MXRA8: variants seen among roughly 807,000 people sequenced by gnomAD.
MXRA8 encodes the protein matrix remodeling-associated protein 8.
A neutral mutation model predicts 51.4 loss-of-function variants in MXRA8; 44 were observed. The observed-to-expected ratio is 0.86, with a 90% CI of 0.67 to 1.10. The LOEUF (loss-of-function observed/expected upper bound fraction) is 1.10. MXRA8 is among the 50% of genes least tolerant of loss of function. MXRA8 has a pLI of 0.00. For synonymous variants in MXRA8, 369 were observed against 293.5 expected, an observed-to-expected ratio of 1.26 and a Z score of -2.63; for missense variants, 765 against 638.9, an observed-to-expected ratio of 1.20 and a Z score of -2.13.
intron 2 of MXRA8, among the ~76,000 whole-genome samples, chr1:1,356,100 G>T (rs1160706497): frequency 1.9e-5 from 2 of 103,770 alleles, no homozygotes; most frequent in Non-Finnish European, 4.2e-5. Context: ...GGCATCTTTG[G>T]GGGGGTGTGG....
rs1407958217 is a variant in MXRA8, at chr1:1,353,406, G to T, written c.*198C>A. 2 of 1,533,336 alleles carry T rather than the reference G, an allele frequency of 1.3e-6. No homozygotes were observed. The highest frequency in any genetic ancestry group is 1.4e-5 in the African/African-American group (1 of 72,240). The allele number at this position is 1,533,336 out of a possible 1,614,324, so 95.0% of individuals were successfully genotyped here. On this transcript the variant is annotated 3_prime_UTR_variant, in exon 10 of 10. Transcript: ENST00000309212. ...GCAGGGCCACCCGTGAGCAAAGGCC[G>T]CAGGGGTGGGGGCTATGCTGCCACC...
chr1:1,356,517 G>C (rs1644136564), intron 2 of MXRA8, among the ~76,000 whole-genome samples, 164 bp downstream of exon 2: 1 of 149,350 alleles, frequency 6.7e-6, no homozygotes, highest in Non-Finnish European at 1.5e-5. Flanking sequence ...GAGTCATTGG[G>C]GGAGGGGGAG....
chr1:1,358,752 G>A (rs1449146381), upstream of MXRA8: 9 of 1,326,904 alleles, frequency 6.8e-6, no homozygotes, highest in Non-Finnish European at 7.7e-6. Flanking sequence ...CTGGGGAGGG[G>A]TGGTGACCGC....
chr1:1,358,760 C>G (rs771455739), upstream of MXRA8: 185 of 1,273,744 alleles, frequency 1.5e-4, 1 homozygote, highest in Non-Finnish European at 1.7e-4. Flanking sequence ...GGGTGGTGAC[C>G]GCACCCTTGG....
chr1:1,356,458 G>C (rs1644134720), intron 2 of MXRA8, among the ~76,000 whole-genome samples: 7 of 148,570 alleles, frequency 4.7e-5, no homozygotes, highest in Admixed American at 4.7e-4. Flanking sequence ...GGGTGTGCGG[G>C]AGTCTGTGGG....
At position 1,354,010 on chromosome 1, in the gene MXRA8, G is replaced by C. The variant is rs767297038; in HGVS notation, c.1222+20C>G. ...GACTGGGAGCCGCGCCTGTGCCCTC[G>C]TGTCCCAGCACTGCCTCACCTAGCT... On this transcript the variant is annotated intron_variant, in intron 8 of 9. Transcript: ENST00000309212. The C allele has an allele frequency of 1.2e-6, 2 of 1,612,182 alleles. No homozygotes were observed. Among genetic ancestry groups the C allele is most frequent in the African/African-American group, 1.3e-5 (1 of 74,922 alleles).
At chr1:1,358,417 G>C in intron 1 of MXRA8, 39 bp downstream of exon 1, 1 of 1,577,902 alleles carries the variant, frequency 6.3e-7, no homozygotes, top group Non-Finnish European at 8.6e-7. Context: ...ACAGCCCCAC[G>C]TGCCACCCCC....
In MXRA8 at chr1:1,355,531, C is replaced by G; in HGVS notation, c.295G>C (p.Val99Leu). 1 of 1,493,682 alleles carries G rather than the reference C, an allele frequency of 6.7e-7. No individual in the cohort carries two copies. The highest frequency in any genetic ancestry group is 8.8e-7 in the Non-Finnish European group (1 of 1,131,780). 92.5% of individuals were successfully genotyped at this position (1,493,682 alleles called of 1,614,324 possible). The change falls in exon 3 of 10, where the codon GTG (valine) becomes CTG (leucine). Residue 99 changes from valine to leucine, a missense_variant. Coordinates refer to ENST00000309212, the MANE Select transcript of MXRA8 (RefSeq NM_032348.4). Reference protein sequence around the residue: ...LDLYSAGEQRVYEARDRGRLE... With the variant: ...LDLYSAGEQRLYEARDRGRLE... ...CGGCCGCGGTCCCGCGCCTCGTACA[C>G]GCGCTGCTCGCCCGCCGAGTACAAG...
chr1:1,356,874 C>T (rs537414882), intron 1 of MXRA8, among the ~76,000 whole-genome samples, 170 bp from the exon 2 acceptor site: 4 of 152,258 alleles, frequency 2.6e-5, no homozygotes, highest in African/African-American at 9.6e-5. Context: ...TCCCTGCCAC[C>T]GTGCTGGGCT....
rs374885900 is a variant in MXRA8, at chr1:1,354,892, C to T, written c.739G>A (p.Ala247Thr). The change falls in exon 5 of 10, where the codon GCG (alanine) becomes ACG (threonine). Residue 247 changes from alanine (A) to threonine (T), a missense_variant. Transcript: ENST00000309212. The part of the protein sequence containing the change: ...LFLRDRVAVG[A>T]DAFERGDFSL... ...AAGTCACCGCGCTCAAAGGCATCCG[C>T]GCCCACAGCCACGCGGTCGCGCAGA... is the stretch of plus-strand genomic sequence containing the variant. 3 of 1,611,364 alleles carry T rather than the reference C, an allele frequency of 1.9e-6. No individual in the cohort carries two copies. Among genetic ancestry groups the T allele is most frequent in the South Asian group, 1.1e-5 (1 of 90,968 alleles).
At chr1:1,353,678 C>G (rs1309703173) in intron 9 of MXRA8, 49 bp from the exon 10 acceptor site, 1 of 1,538,968 alleles carries the variant, frequency 6.5e-7, no homozygotes, top group East Asian at 2.4e-5. Context: ...CCACCCTCAT[C>G]ACAGTGGGAG....
intron 9 of MXRA8, 25 bp downstream of exon 9, chr1:1,353,823 G>T: frequency 1.3e-6 from 2 of 1,554,750 alleles, no homozygotes; most frequent in Non-Finnish European, 1.7e-6. Context: ...CTCTGAGATG[G>T]GCTGAGGTCG....
At chr1:1,358,568 C>G, upstream of MXRA8, 1 of 1,575,262 alleles carries the variant, frequency 6.3e-7, no homozygotes, top group South Asian at 1.2e-5. Flanking sequence ...AAAAACAGCC[C>G]TACCCCCTCC....
chr1:1,361,221 GACAC>G (rs1404910888), upstream of MXRA8: 8 of 703,354 alleles, frequency 1.1e-5, no homozygotes, highest in African/African-American at 5.2e-5. Context: ...CACATGGAAA[GACAC>G]ACACAGAGAC....
Position 1,353,339 on chromosome 1 carries a change from G to GCC in MXRA8, c.*264_*265insGG. The GCC allele has an allele frequency of 1.3e-6, 2 of 1,548,788 alleles. No individual in the cohort carries two copies. The highest frequency in any genetic ancestry group is 1.7e-4 in the Middle Eastern group (1 of 5,980). On this transcript the variant is annotated 3_prime_UTR_variant, in exon 10 of 10. Transcript: ENST00000309212. The stretch of plus-strand genomic sequence containing the variant: ...GGGCAGAGCCCAGAAGGGTCTGAGG[G>GCC]CATGATGGGCATCAGTGGGATTTTG...
intron 1 of MXRA8, among the ~76,000 whole-genome samples, chr1:1,357,888 C>T (rs1644163161): frequency 6.6e-6 from 1 of 152,226 alleles, no homozygotes; most frequent in South Asian, 2.1e-4. Flanking sequence ...CCCTGTCTCT[C>T]TCCACTTTCC....
chr1:1,360,647 A>C (rs1246220983), upstream of MXRA8, among the ~76,000 whole-genome samples: 2 of 152,164 alleles, frequency 1.3e-5, no homozygotes, highest in East Asian at 3.8e-4. Context: ...AGCGCCCTGG[A>C]CCGTCCTCCT....
upstream of MXRA8, among the ~76,000 whole-genome samples, chr1:1,360,259 G>A (rs1295717445): frequency 6.6e-6 from 1 of 152,212 alleles, no homozygotes; most frequent in African/African-American, 2.4e-5. Context: ...CGTCTGAGAG[G>A]GCCCTGACCT....
chr1:1,362,041 G>A (rs943774495), upstream of MXRA8, among the ~76,000 whole-genome samples: 2 of 152,216 alleles, frequency 1.3e-5, no homozygotes, highest in African/African-American at 4.8e-5. Context: ...GCCGCTTGTG[G>A]CGACTGTTCC....
Sources: gnomAD v4.1 joint callset for allele counts (sites outside exome capture counted in the v4.1 genomes callset) on GRCh38, gnomAD v4.1.1 for gene constraint, MANE v1.5 for transcripts, NCBI Gene and HGNC (gene_info 2026-07-23, HGNC 2026-07-21) for gene names.